The following ARID1A variants were observed in gnomAD, a reference collection of about 807,000 sequenced individuals.
ARID1A encodes AT-rich interactive domain-containing protein 1A.
A neutral mutation model predicts 212.6 loss-of-function variants in ARID1A; 20 were observed. The observed-to-expected ratio is 0.09, with a 90% CI of 0.07 to 0.14. The LOEUF (loss-of-function observed/expected upper bound fraction) is 0.14, where lower values mean the gene tolerates loss of function less well. Ranked by LOEUF, ARID1A falls within the 10% of genes least tolerant of loss-of-function variation. ARID1A has a pLI of 1.00. For missense variants in ARID1A, 2,587 were observed against 3,059.0 expected (o/e 0.85, Z 3.64); for synonymous variants, 1,376 against 1,222.1 (o/e 1.13, Z -2.63).
At chr1:26,728,880 G>A (rs1298217476) in intron 1 of ARID1A, 1 of 152,116 alleles carries the variant, frequency 6.6e-6, no homozygotes, top group Non-Finnish European at 1.5e-5. Flanking sequence ...ACAAAGAGCT[G>A]GAAAGAAAGC....
At position 26,779,274 on chromosome 1, in the gene ARID1A, C is replaced by A. The variant is rs2124138705; in HGVS notation, c.5376C>A (p.Gly1792=). ...VENDEEIAFS[G]KDKPASENSE... ...ATGATGAGGAGATAGCCTTTTCAGG[C>A]AAGGACAAGCCAGCTTCAGAGAATA... Residue 1792 remains glycine, a synonymous_variant, in exon 20 of 20, where the codon GGC becomes GGA. Transcript: ENST00000324856. 6.2e-7 allele frequency: 1 copy of A among 1,614,210 alleles called. No individual in the cohort carries two copies. Among genetic ancestry groups the A allele is most frequent in the Admixed American group, 1.7e-5 (1 of 60,026 alleles).
rs183273854 is a variant in ARID1A at position 26,718,512 on chromosome 1, G to A, written c.1138-11139G>A. Among the ~76,000 whole-genome samples, 212 of 152,240 alleles carry A rather than the reference G, an allele frequency of 1.4e-3. 2 individuals carry two copies. The highest frequency in any genetic ancestry group is 5.0e-3 in the Admixed American group (76 of 15,278). On this transcript the variant is annotated intron_variant, in intron 1 of 19. Coordinates refer to ENST00000324856, the MANE Select transcript of ARID1A (RefSeq NM_006015.6). ...TATGTACAAATGCCCCTCGGTATCC[G>A]TAGGGGGTTGGTTCCAGGACTCCCT...
At chr1:26,702,055 G>A (rs2080336355) in intron 1 of ARID1A, among the ~76,000 whole-genome samples, 1 of 152,142 alleles carries the variant, frequency 6.6e-6, no homozygotes, top group African/African-American at 2.4e-5. Context: ...TTTGGGGAGG[G>A]GTAGGGAGAG....
chr1:26,697,488 T>G lies in ARID1A; in HGVS notation c.1085T>G (p.Met362Arg), dbSNP rs2080283506. 1 of 1,404,352 alleles carries G rather than the reference T, an allele frequency of 7.1e-7. No homozygotes were observed. Among genetic ancestry groups the G allele is most frequent in the South Asian group, 1.5e-5 (1 of 65,780 alleles). The allele number at this position is 1,404,352 out of a possible 1,614,324, so 87.0% of individuals were successfully genotyped here. ...GAQQRSHHAP[M>R]SPGSSGGGGQ... ...CAACAAAGGAGCCACCACGCGCCCA[T>G]GAGCCCCGGGAGCAGCGGCGGCGGG... The change falls in exon 1 of 20, where the codon ATG becomes AGG. Residue 362 changes from methionine (M) to arginine (R), a missense_variant. Met to Arg is a moderately conservative substitution (Grantham distance 91, BLOSUM62 -1). This residue lies in a region of ARID1A where 735 missense variants were observed against 590.6 expected (regional missense o/e 1.24). Transcript: ENST00000324856.
chr1:26,696,206 T>TCCG lies in ARID1A; in HGVS notation c.-189_-187dup, dbSNP rs1459495492. 7.3e-5 allele frequency: 49 copies of TCCG among 673,192 alleles called. No individual in the cohort carries two copies. Among genetic ancestry groups the TCCG allele is most frequent in the East Asian group, 1.4e-4 (3 of 21,182 alleles). 41.7% of individuals were successfully genotyped at this position (673,192 alleles called of 1,614,324 possible). On this transcript the variant is annotated 5_prime_UTR_variant, in exon 1 of 20. Transcript: ENST00000324856. ...GGCCGCCGCCGCCGCCTCCTCCTCC[T>TCCG]CCGCCGCCGCCAGCCCGGAGCCTGA... is the stretch of plus-strand genomic sequence containing the variant.
intron 4 of ARID1A, chr1:26,752,850 G>A (rs1264701322): frequency 6.6e-6 from 1 of 152,204 alleles, no homozygotes; most frequent in Admixed American, 6.5e-5. Flanking sequence ...ACAGGCATGT[G>A]CGTAGGATTT....
chr1:26,739,873 C>A (rs891841229), intron 4 of ARID1A, among the ~76,000 whole-genome samples: 1 of 151,534 alleles, frequency 6.6e-6, no homozygotes, highest in African/African-American at 2.4e-5. Flanking sequence ...TTTGTTTTTT[C>A]GGGTCCCTGT....
At chr1:26,715,128 GAA>G in intron 1 of ARID1A, among the ~76,000 whole-genome samples, 1 of 152,334 alleles carries the variant, frequency 6.6e-6, no homozygotes, top group Middle Eastern at 3.4e-3. Flanking sequence ...GTTAGAGAAA[GAA>G]AACGAGGCTT....
intron 1 of ARID1A, among the ~76,000 whole-genome samples, chr1:26,705,622 T>G (rs2080384601): frequency 6.6e-6 from 1 of 152,246 alleles, no homozygotes; most frequent in Non-Finnish European, 1.5e-5. Flanking sequence ...TCCTATGGAT[T>G]ACAGGTGTTT....
In ARID1A at chr1:26,773,701, C is replaced by CAGG; in HGVS notation, c.3990_3991insGAG (p.Gln1330_Gln1331insGlu). On this transcript the variant is annotated inframe_insertion, in exon 16 of 20. Coordinates refer to ENST00000324856, the MANE Select transcript of ARID1A (RefSeq NM_006015.6). Reference sequence around the variant, plus strand: ...TAGCCGCTACCCCCCGCAGCAGCAGCAGCAGCAGCAGCAACGGTGAGTAAA... The same window carrying CAGG: ...TAGCCGCTACCCCCCGCAGCAGCAGCAGGAGCAGCAGCAGCAACGGTGAGTAAA... The CAGG allele has an allele frequency of 6.2e-7, 1 of 1,614,188 alleles. No homozygotes were observed. Among genetic ancestry groups the CAGG allele is most frequent in the Non-Finnish European group, 8.5e-7 (1 of 1,180,030 alleles).
At position 26,779,665 on chromosome 1, in the gene ARID1A, A is replaced by G. The variant is rs2124142609; in HGVS notation, c.5767A>G (p.Thr1923Ala). ...DMLSTRSSTL[T>A]EDGAKSSEAI... ...GTTGTCTACTCGGTCTAGCACCTTGACCGAGGATGGAGCTAAGAGTTCAGA... is the reference window on the plus strand; with the variant it reads ...GTTGTCTACTCGGTCTAGCACCTTGGCCGAGGATGGAGCTAAGAGTTCAGA... The change falls in exon 20 of 20, where the codon ACC becomes GCC. Residue 1923 changes from threonine to alanine, a missense_variant. Physicochemically the swap from Thr to Ala is moderately conservative, Grantham distance 58 (BLOSUM62 0). Coordinates refer to ENST00000324856, the MANE Select transcript of ARID1A (RefSeq NM_006015.6). The G allele has an allele frequency of 6.2e-7, 1 of 1,614,090 alleles. No homozygotes were observed. The highest frequency in any genetic ancestry group is 8.5e-7 in the Non-Finnish European group (1 of 1,180,020).
chr1:26,707,295 G>A (rs770376258), intron 1 of ARID1A, among the ~76,000 whole-genome samples: 11 of 132,418 alleles, frequency 8.3e-5, no homozygotes, highest in Admixed American at 2.6e-4. Context: ...TGCAACCTCC[G>A]TCTCCCAGGT....
chr1:26,697,809 G>A (rs1175854547), intron 1 of ARID1A, among the ~76,000 whole-genome samples: 1 of 151,568 alleles, frequency 6.6e-6, no homozygotes, highest in Non-Finnish European at 1.5e-5. Flanking sequence ...GGTCTTGATG[G>A]GGGTGCGGGG....
intron 1 of ARID1A, among the ~76,000 whole-genome samples, chr1:26,703,836 A>G (rs950695729): frequency 6.6e-6 from 1 of 152,246 alleles, no homozygotes; most frequent in Non-Finnish European, 1.5e-5. Context: ...CTTCAGAGGC[A>G]TTTAGTTTTC....
rs1308726726 is a variant in ARID1A at position 26,774,868 on chromosome 1, C to T, written c.4641C>T (p.Ser1547=). 4 of 1,600,304 alleles carry T rather than the reference C, an allele frequency of 2.5e-6. No individual in the cohort carries two copies. The Admixed American group carries it at 5.1e-5, about 20-fold the overall frequency. The change falls in exon 18 of 20, where the codon TCC becomes TCT. Residue 1547 remains serine, a synonymous_variant. Coordinates refer to ENST00000324856, the MANE Select transcript of ARID1A (RefSeq NM_006015.6). The surrounding 1 kb of genome is among the most constrained non-coding windows in gnomAD (Gnocchi z 5.6). ...CCAACCACGAAGGCTCGTGGCCTTCCCATGGCACACGCCAGCCCCCATATG... is the reference window on the plus strand; with the variant it reads ...CCAACCACGAAGGCTCGTGGCCTTCTCATGGCACACGCCAGCCCCCATATG... ...QRANHEGSWP[S]HGTRQPPYGP... is the part of the protein sequence containing the mutation.
At chr1:26,697,634 A>G in intron 1 of ARID1A, 94 bp downstream of exon 1, 5 of 1,177,650 alleles carry the variant, frequency 4.2e-6, no homozygotes, top group Non-Finnish European at 5.4e-6. Flanking sequence ...GGCTCCCCTC[A>G]GTCCCGGGCC....
chr1:26,700,739 A>G (rs2080324707), intron 1 of ARID1A, among the ~76,000 whole-genome samples: 1 of 152,234 alleles, frequency 6.6e-6, no homozygotes, highest in African/African-American at 2.4e-5. Context: ...GGAATCCTAG[A>G]TTTATTATGG....
chr1:26,706,347 T>C (rs556305921), intron 1 of ARID1A, among the ~76,000 whole-genome samples: 1 of 152,360 alleles, frequency 6.6e-6, no homozygotes, highest in Admixed American at 6.5e-5. Context: ...CTTGCTTGTT[T>C]ATAGGCATCT....
At chr1:26,702,057 T>C (rs955028589) in intron 1 of ARID1A, among the ~76,000 whole-genome samples, 1 of 151,944 alleles carries the variant, frequency 6.6e-6, no homozygotes, top group African/African-American at 2.4e-5. Flanking sequence ...TGGGGAGGGG[T>C]AGGGAGAGAG....
Sources: allele counts gnomAD v4.1 joint callset (sites outside exome capture counted in the v4.1 genomes callset), GRCh38; gene constraint gnomAD v4.1.1; regional missense constraint gnomAD v4.1.1; non-coding constraint Gnocchi (gnomAD v3.1); transcripts MANE v1.5; gene names NCBI Gene and HGNC (gene_info 2026-07-23, HGNC 2026-07-21).